SLC36A4: variants seen among roughly 807,000 people sequenced by gnomAD.
SLC36A4 encodes neutral amino acid uniporter 4.
A neutral mutation model predicts 50.5 loss-of-function variants in SLC36A4; 49 were observed. That is an observed-to-expected ratio of 0.97 (90% confidence interval 0.77 to 1.23). SLC36A4 has a LOEUF of 1.23. Ranked by LOEUF, SLC36A4 falls within the 50% of genes most tolerant of loss-of-function variation. The pLI, the probability that SLC36A4 is intolerant of heterozygous loss-of-function variation, is 0.00. For missense variants in SLC36A4, 611 were observed against 608.4 expected (o/e 1.00, Z -0.05); for synonymous variants, 207 against 206.5 (o/e 1.00, Z -0.02).
intron 6 of SLC36A4, chr11:93,171,133 T>C (rs1861115540): frequency 6.6e-6 from 1 of 151,988 alleles, no homozygotes; most frequent in Admixed American, 6.6e-5. Flanking sequence ...TTTTTTTTTT[T>C]CCATGTTACT....
chr11:93,176,587 C>T (rs969137163), intron 6 of SLC36A4, among the ~76,000 whole-genome samples: 5 of 151,706 alleles, frequency 3.3e-5, no homozygotes, highest in African/African-American at 1.2e-4. Context: ...CAGCTGGTAC[C>T]GGTTGTTCCT....
intron 5 of SLC36A4, 96 bp from the exon 6 acceptor site, chr11:93,180,977 T>C (rs1861707396): frequency 4.7e-6 from 4 of 850,772 alleles, no homozygotes; most frequent in African/African-American, 3.4e-5. Flanking sequence ...CATTTTATTA[T>C]AGCATATATT....
intron 3 of SLC36A4, among the ~76,000 whole-genome samples, chr11:93,183,626 C>T (rs555236874): frequency 1.3e-5 from 2 of 152,108 alleles, no homozygotes; most frequent in Non-Finnish European, 2.9e-5. Flanking sequence ...ATAATAATTA[C>T]AATAACTGCC....
At chr11:93,180,571 A>G (rs1861691455) in intron 6 of SLC36A4, among the ~76,000 whole-genome samples, 1 of 152,106 alleles carries the variant, frequency 6.6e-6, no homozygotes, top group Admixed American at 6.5e-5. Flanking sequence ...TCATATTCTG[A>G]TCTGAAAAAA....
intron 8 of SLC36A4, among the ~76,000 whole-genome samples, 171 bp from the exon 9 acceptor site, chr11:93,163,046 T>C (rs1319276991): frequency 6.6e-6 from 1 of 152,212 alleles, no homozygotes; most frequent in Non-Finnish European, 1.5e-5. Context: ...TACTACCTAT[T>C]TTAAACTTCT....
rs558621212 is a variant in SLC36A4 at position 93,185,556 on chromosome 11, A to G, written c.179+135T>C. ...AACGCATTTCTTTCCCAAATAGACTATAAACTCATTGAAGGTGGAGACTAT... is the reference window on the plus strand; with the variant it reads ...AACGCATTTCTTTCCCAAATAGACTGTAAACTCATTGAAGGTGGAGACTAT... On this transcript the variant is annotated intron_variant, in intron 2 of 10. Coordinates refer to ENST00000326402, the MANE Select transcript of SLC36A4 (RefSeq NM_152313.4). The G allele has an allele frequency of 7.5e-4, 581 of 770,576 alleles. 8 individuals are homozygous for G. In the South Asian group the frequency reaches 0.013, roughly 18 times the overall value. 47.7% of individuals were successfully genotyped at this position (770,576 alleles called of 1,614,324 possible).
chr11:93,154,475 C>G (rs10765587), intron 9 of SLC36A4, 198 bp from the exon 10 acceptor site: 197,581 of 296,916 alleles, frequency 0.67, 66,731 homozygotes, highest in East Asian at 0.83. Context: ...AATTCATTTT[C>G]ACAAGACTGG....
intron 5 of SLC36A4, 22 bp downstream of exon 5, chr11:93,181,669 T>G: frequency 6.8e-7 from 1 of 1,467,984 alleles, no homozygotes; most frequent in South Asian, 1.5e-5. Context: ...AATCATATAT[T>G]AATAACAGAG....
At chr11:93,165,648 T>C (rs1860826700) in intron 8 of SLC36A4, among the ~76,000 whole-genome samples, 1 of 152,122 alleles carries the variant, frequency 6.6e-6, no homozygotes, top group Non-Finnish European at 1.5e-5. Flanking sequence ...AAATTTTCCA[T>C]AATAAAATGT....
intron 10 of SLC36A4, among the ~76,000 whole-genome samples, chr11:93,150,243 A>C (rs1299344864): frequency 6.6e-6 from 1 of 152,062 alleles, no homozygotes; most frequent in Non-Finnish European, 1.5e-5. Flanking sequence ...CGATTATATC[A>C]CCACATTTCC....
intron 6 of SLC36A4, among the ~76,000 whole-genome samples, chr11:93,176,810 A>G (rs1180121781): frequency 1.3e-5 from 2 of 152,302 alleles, no homozygotes; most frequent in East Asian, 1.9e-4. Context: ...GTTTCTGCCG[A>G]GAGATCCACT....
intron 1 of SLC36A4, among the ~76,000 whole-genome samples, chr11:93,186,470 T>C (rs1017666003): frequency 1.3e-5 from 2 of 152,172 alleles, no homozygotes; most frequent in African/African-American, 4.8e-5. Flanking sequence ...GTTCTAGTGG[T>C]TTCTTTGCCA....
chr11:93,144,766 A>C lies in SLC36A4; in HGVS notation c.*3771T>G, dbSNP rs987630617. The C allele has an allele frequency of 6.6e-6, 1 of 152,098 alleles. No individual in the cohort carries two copies. Among genetic ancestry groups the C allele is most frequent in the Non-Finnish European group, 1.5e-5 (1 of 67,974 alleles). The allele number at this position is 152,098 out of a possible 1,614,324, so 9.4% of individuals were successfully genotyped here. A position where few individuals can be genotyped will look rare whatever the true frequency, so the allele number is the denominator to read the frequency against. On this transcript the variant is annotated 3_prime_UTR_variant, in exon 11 of 11. Transcript: ENST00000326402. ...CTATTACAGCCAGGAATTTAATGTT[A>C]GGAAGTACAACTACACTTTTCAGAT...
At chr11:93,174,299 T>C (rs990831452) in intron 6 of SLC36A4, among the ~76,000 whole-genome samples, 9 of 149,274 alleles carry the variant, frequency 6.0e-5, no homozygotes, top group African/African-American at 2.2e-4. Context: ...ATTGATTTTG[T>C]ATCCTGAGAC....
At position 93,184,490 on chromosome 11, in the gene SLC36A4, T is replaced by C; in HGVS notation, c.210A>G (p.Lys70=). ...SFVQTLMHLL[K]GNIGTGLLGL... ...CTAAAAGGCCAGTTCCAATATTTCC[T>C]TTAAGAAGGTGCATAAGAGTTTGTA... Residue 70 remains lysine, a synonymous_variant, in exon 3 of 11, where the codon AAA becomes AAG. Transcript: ENST00000326402. The C allele has an allele frequency of 6.2e-7, 1 of 1,610,556 alleles. No individual in the cohort carries two copies. The highest frequency in any genetic ancestry group is 8.5e-7 in the Non-Finnish European group (1 of 1,177,194).
chr11:93,172,591 C>G (rs943496401), intron 6 of SLC36A4, among the ~76,000 whole-genome samples: 3 of 150,430 alleles, frequency 2.0e-5, no homozygotes, highest in Admixed American at 1.3e-4. Context: ...TGCTATCCCT[C>G]CCCATCCCCC....
At chr11:93,153,156 C>T (rs1033460366) in intron 10 of SLC36A4, among the ~76,000 whole-genome samples, 5 of 151,966 alleles carry the variant, frequency 3.3e-5, no homozygotes, top group Non-Finnish European at 5.9e-5. Flanking sequence ...TGAGTTGCCC[C>T]GAATTTCTAG....
At chr11:93,189,220 C>T (rs747118321) in intron 1 of SLC36A4, among the ~76,000 whole-genome samples, 11 of 152,000 alleles carry the variant, frequency 7.2e-5, no homozygotes, top group African/African-American at 1.5e-4. Context: ...TGCACCACCA[C>T]GCCCAGCTAA....
chr11:93,179,011 C>T (rs910617574), intron 6 of SLC36A4, among the ~76,000 whole-genome samples: 1 of 152,104 alleles, frequency 6.6e-6, no homozygotes, highest in Non-Finnish European at 1.5e-5. Flanking sequence ...CTAAAACAAT[C>T]ATGTAGGGGC....
Sources: gnomAD v4.1 joint callset for allele counts (sites outside exome capture counted in the v4.1 genomes callset) on GRCh38, gnomAD v4.1.1 for gene constraint, MANE v1.5 for transcripts, NCBI Gene and HGNC (gene_info 2026-07-23, HGNC 2026-07-21) for gene names.